The following IMMP2L variants were observed in gnomAD, a reference collection of about 807,000 sequenced individuals.
The protein encoded by IMMP2L is mitochondrial inner membrane protease subunit 2.
IMMP2L carries 18 observed loss-of-function variants against 19.3 expected under a neutral mutation model. The observed-to-expected ratio is 0.93, with a 90% confidence interval of 0.64 to 1.38. The LOEUF is 1.38. Ranked by LOEUF, IMMP2L falls within the 40% of genes most tolerant of loss-of-function variation. The probability of loss-of-function intolerance (pLI) is 0.00; values close to 1 mark genes in which losing one functional copy is unlikely to be tolerated. For synonymous variants in IMMP2L, 76 were observed against 73.0 expected (o/e 1.04, Z -0.21); for missense variants, 233 against 218.2 (o/e 1.07, Z -0.43).
intron 5 of IMMP2L, among the ~76,000 whole-genome samples, chr7:110,665,199 G>T (rs1791358443): frequency 6.6e-6 from 1 of 152,202 alleles, no homozygotes; most frequent in South Asian, 2.1e-4. Flanking sequence ...AAATTTGAAA[G>T]TGTGGTACAA....
At chr7:111,017,517 T>G (rs1236685644) in intron 3 of IMMP2L, among the ~76,000 whole-genome samples, 2 of 152,080 alleles carry the variant, frequency 1.3e-5, no homozygotes, top group Non-Finnish European at 2.9e-5. Flanking sequence ...ACAGGATCAG[T>G]GACTGAAAAA....
chr7:111,073,992 A>C (rs1167284839), intron 3 of IMMP2L, among the ~76,000 whole-genome samples: 2 of 152,180 alleles, frequency 1.3e-5, no homozygotes, highest in East Asian at 3.9e-4. Flanking sequence ...GACAATGTCC[A>C]AGCTCTAATA....
intron 3 of IMMP2L, among the ~76,000 whole-genome samples, chr7:111,184,847 C>T (rs1255419939): frequency 1.3e-5 from 2 of 151,946 alleles, no homozygotes; most frequent in African/African-American, 4.8e-5. Flanking sequence ...GAAACCACTA[C>T]GTCACCCAAC....
At chr7:111,030,840 GTATGTGTGTATATACA>G in intron 3 of IMMP2L, among the ~76,000 whole-genome samples, 1 of 147,538 alleles carries the variant, frequency 6.8e-6, no homozygotes, top group African/African-American at 2.5e-5. Context: ...GTGTATATAT[GTATGTGTGTATATACA>G]TATGTGTGTG....
intron 5 of IMMP2L, among the ~76,000 whole-genome samples, chr7:110,817,192 T>G (rs927168795): frequency 2.6e-5 from 4 of 152,150 alleles, no homozygotes; most frequent in African/African-American, 9.7e-5. Context: ...GCAGATGACA[T>G]GATTGCATAT....
intron 3 of IMMP2L, among the ~76,000 whole-genome samples, chr7:111,286,056 G>A (rs1351447215): frequency 1.3e-5 from 2 of 151,976 alleles, no homozygotes; most frequent in Non-Finnish European, 2.9e-5. Flanking sequence ...GATTCCAAAA[G>A]GATTTTTGAT....
rs555293133 is a variant in IMMP2L at position 111,178,862 on chromosome 7, T to C, written c.240-215297A>G. 5.1e-4 allele frequency among the ~76,000 whole-genome samples: 78 copies of C among 152,218 alleles called. No individual in the cohort carries two copies. The South Asian group carries it at 6.6e-3, about 13-fold the overall frequency. On this transcript the variant is annotated intron_variant, in intron 3 of 5. Coordinates refer to ENST00000405709, the MANE Select transcript of IMMP2L (RefSeq NM_032549.4). ...AACCCCTCAAAGTCATCCATGAGCA[T>C]TGGAATCAAGTTCTTCCAAATTCCT...
At chr7:111,503,919 G>A (rs1323103237) in intron 2 of IMMP2L, among the ~76,000 whole-genome samples, 1 of 152,074 alleles carries the variant, frequency 6.6e-6, no homozygotes, top group Non-Finnish European at 1.5e-5. Flanking sequence ...ACAAGACAGG[G>A]ATGCCCTCTC....
intron 3 of IMMP2L, among the ~76,000 whole-genome samples, chr7:111,360,010 G>GT (rs1011699352): frequency 2.6e-5 from 4 of 151,790 alleles, no homozygotes; most frequent in African/African-American, 9.7e-5. Context: ...TTTTCTATTG[G>GT]TTTTTCAGTA....
intron 4 of IMMP2L, among the ~76,000 whole-genome samples, chr7:110,929,789 C>A (rs1337061098): frequency 6.6e-6 from 1 of 152,098 alleles, no homozygotes; most frequent in African/African-American, 2.4e-5. Flanking sequence ...ATTAACAAAT[C>A]AGGAATGAGT....
intron 5 of IMMP2L, among the ~76,000 whole-genome samples, chr7:110,865,384 C>T (rs1807883114): frequency 6.6e-6 from 1 of 152,036 alleles, no homozygotes; most frequent in African/African-American, 2.4e-5. Flanking sequence ...ATCTTGCCTA[C>T]TCTCCAGTGT....
chr7:111,539,132 AAAGGAAGGAAGG>A (rs1170750244), intron 1 of IMMP2L, among the ~76,000 whole-genome samples: 1 of 61,584 alleles, frequency 1.6e-5, no homozygotes, highest in Non-Finnish European at 3.2e-5. Context: ...AAAGAAAAGA[AAAGGAAGGAAGG>A]AAGGAAGGAA....
rs1848250717 is a variant in IMMP2L, at chr7:111,539,206, GAAAGAAAGAAAGAAAGAAAGAA to G, written c.-2-17779_-2-17758del. 1.7e-3 allele frequency among the ~76,000 whole-genome samples: 72 copies of G among 41,362 alleles called. 1 individual carries two copies. Among genetic ancestry groups the G allele is most frequent in the Middle Eastern group, 0.012 (1 of 84 alleles). The allele number at this position is 41,362 out of a possible 152,430, so 27.1% of individuals were successfully genotyped here. On this transcript the variant is annotated intron_variant, in intron 1 of 5. Transcript: ENST00000405709. Reference sequence around the variant, plus strand: ...AAGGAAGGAAGGAGGGAGAAAGAAAGAAAGAAAGAAAGAAAGAAAGAAAGAAAGAAAGAAAGAAAGAAAGAAA... The same window carrying G: ...AAGGAAGGAAGGAGGGAGAAAGAAAGAGAAAGAAAGAAAGAAAGAAAGAAA...
intron 3 of IMMP2L, among the ~76,000 whole-genome samples, chr7:111,209,644 G>A (rs1811103048): frequency 6.6e-6 from 1 of 152,084 alleles, no homozygotes; most frequent in African/African-American, 2.4e-5. Context: ...CAGCCTGTAG[G>A]AGCAAATGAC....
In IMMP2L at chr7:110,803,237, G is replaced by A. The variant is rs1801383461; in HGVS notation, c.408+83356C>T. Among the ~76,000 whole-genome samples, 3 of 151,996 alleles carry A rather than the reference G, an allele frequency of 2.0e-5. 1 individual carries two copies. In the South Asian group the frequency reaches 6.2e-4, roughly 32 times the overall value. ...AATAGTAGGAGCTGTGTAGGGGATG[G>A]TGAGGATCAGATAGACCAAAGAAGA... On this transcript the variant is annotated intron_variant, in intron 5 of 5. Transcript: ENST00000405709. This position sits in a 1 kb window ranked among gnomAD's most constrained non-coding sequence, Gnocchi z 4.2.
chr7:111,411,746 T>C, intron 3 of IMMP2L: 1 of 199,224 alleles, frequency 5.0e-6, no homozygotes, highest in East Asian at 1.3e-4. Flanking sequence ...GTCTCTACTC[T>C]CTCTCTACAA....
At chr7:110,940,005 A>G (rs1816559936) in intron 4 of IMMP2L, among the ~76,000 whole-genome samples, 1 of 152,192 alleles carries the variant, frequency 6.6e-6, no homozygotes, top group Non-Finnish European at 1.5e-5. Flanking sequence ...ATCTAATTCC[A>G]GAGATATCAC....
At chr7:110,852,565 C>T (rs1301391861) in intron 5 of IMMP2L, among the ~76,000 whole-genome samples, 2 of 152,054 alleles carry the variant, frequency 1.3e-5, no homozygotes, top group Non-Finnish European at 2.9e-5. Context: ...GAAACATTAT[C>T]TTCATTCTGG....
intron 3 of IMMP2L, among the ~76,000 whole-genome samples, chr7:111,197,790 T>C (rs1184897984): frequency 6.6e-6 from 1 of 152,172 alleles, no homozygotes; most frequent in African/African-American, 2.4e-5. Flanking sequence ...AGACTAAAAT[T>C]GCAGTTTAAA....
Sources: allele counts gnomAD v4.1 joint callset (sites outside exome capture counted in the v4.1 genomes callset), GRCh38; gene constraint gnomAD v4.1.1; non-coding constraint Gnocchi (gnomAD v3.1); transcripts MANE v1.5; gene names NCBI Gene and HGNC (gene_info 2026-07-23, HGNC 2026-07-21).